GPC5: variants seen among roughly 807,000 people sequenced by gnomAD.
GPC5 encodes the protein glypican-5.
GPC5 carries 47 observed loss-of-function variants against 53.9 expected under a neutral mutation model. The ratio of observed to expected loss-of-function variants is 0.87; its 90% CI spans 0.69 to 1.11. The LOEUF (loss-of-function observed/expected upper bound fraction) is 1.11, where lower values mean the gene tolerates loss of function less well. GPC5 is among the 50% of genes most tolerant of loss of function. GPC5 has a pLI of 0.00. For missense variants in GPC5, 748 were observed against 713.1 expected, an observed-to-expected ratio of 1.05 and a Z score of -0.56; for synonymous variants, 286 against 263.3, an observed-to-expected ratio of 1.09 and a Z score of -0.84.
chr13:92,347,125 TAAAG>T (rs949336895), intron 7 of GPC5, among the ~76,000 whole-genome samples: 5 of 151,962 alleles, frequency 3.3e-5, no homozygotes, highest in African/African-American at 1.2e-4. Context: ...AGAGCATATT[TAAAG>T]AAATAAGGGC....
At chr13:91,730,348 G>A (rs779914624) in intron 4 of GPC5, among the ~76,000 whole-genome samples, 3 of 152,252 alleles carry the variant, frequency 2.0e-5, no homozygotes, top group African/African-American at 4.8e-5. Context: ...AATGTAGCAC[G>A]AGTGGATGCT....
intron 7 of GPC5, among the ~76,000 whole-genome samples, chr13:92,184,520 G>T (rs1158355905): frequency 1.3e-5 from 2 of 152,006 alleles, no homozygotes. Context: ...TGTCAAAATT[G>T]TCTCCTTAAA....
At chr13:91,468,344 C>T (rs1363586631) in intron 2 of GPC5, among the ~76,000 whole-genome samples, 1 of 152,122 alleles carries the variant, frequency 6.6e-6, no homozygotes, top group East Asian at 1.9e-4. Context: ...ATATGCTGGA[C>T]TCTTCACCTC....
At chr13:92,421,244 T>C (rs1388255382) in intron 7 of GPC5, among the ~76,000 whole-genome samples, 1 of 152,138 alleles carries the variant, frequency 6.6e-6, no homozygotes, top group Non-Finnish European at 1.5e-5. Context: ...CAATTCAAAA[T>C]GTACCTCTTG....
At chr13:92,774,085 T>C (rs1464904530) in intron 7 of GPC5, among the ~76,000 whole-genome samples, 1 of 152,196 alleles carries the variant, frequency 6.6e-6, no homozygotes, top group Non-Finnish European at 1.5e-5. Context: ...CATGTGGGGA[T>C]TATTATAATT....
At position 92,589,327 on chromosome 13, in the gene GPC5, G is replaced by A. The variant is rs149539596; in HGVS notation, c.1562-276955G>A. The stretch of plus-strand genomic sequence containing the variant: ...CCTTGAGAGTCATGAGTTCAGTGCA[G>A]CAAGGAAGCATCATGCATTTACTCA... On this transcript the variant is annotated intron_variant, in intron 7 of 7. Transcript: ENST00000377067. Among the ~76,000 whole-genome samples, 284 of 152,232 alleles carry A rather than the reference G, an allele frequency of 1.9e-3. 1 individual carries two copies. Among genetic ancestry groups the A allele is most frequent in the Middle Eastern group, 3.4e-3 (1 of 294 alleles).
intron 1 of GPC5, among the ~76,000 whole-genome samples, chr13:91,435,458 C>T (rs934542048): frequency 1.2e-4 from 19 of 152,036 alleles, no homozygotes; most frequent in Non-Finnish European, 2.5e-4. Flanking sequence ...TGGTTTTTGT[C>T]GTTGGTTTTG....
intron 7 of GPC5, among the ~76,000 whole-genome samples, chr13:92,661,125 C>G (rs967171002): frequency 2.0e-5 from 3 of 151,836 alleles, no homozygotes; most frequent in Non-Finnish European, 2.9e-5. Flanking sequence ...CAAAGTGAAA[C>G]CCCATCTTTA....
intron 7 of GPC5, among the ~76,000 whole-genome samples, chr13:92,320,793 G>A (rs908580634): frequency 3.9e-5 from 6 of 152,020 alleles, no homozygotes; most frequent in Non-Finnish European, 5.9e-5. Context: ...GAACTTACAC[G>A]AAGTTGTTTT....
chr13:92,652,121 T>C (rs1316835278), intron 7 of GPC5, among the ~76,000 whole-genome samples: 1 of 151,988 alleles, frequency 6.6e-6, no homozygotes, highest in Non-Finnish European at 1.5e-5. Context: ...GGGCATAGGG[T>C]TTTTTTCTAT....
chr13:91,578,249 G>A lies in GPC5; in HGVS notation c.326-114938G>A, dbSNP rs74665177. On this transcript the variant is annotated intron_variant, in intron 2 of 7. Coordinates refer to ENST00000377067, the MANE Select transcript of GPC5 (RefSeq NM_004466.6). ...ATAGCTCTCCTGGCTTGTCTTAAATGCAACCTCATGAGAGACCCTAGTCTA... is the reference window on the plus strand; with the variant it reads ...ATAGCTCTCCTGGCTTGTCTTAAATACAACCTCATGAGAGACCCTAGTCTA... 1.9e-3 allele frequency among the ~76,000 whole-genome samples: 282 copies of A among 152,268 alleles called. 1 individual carries two copies. Among genetic ancestry groups the A allele is most frequent in the Non-Finnish European group, 3.3e-3 (226 of 68,018 alleles).
intron 2 of GPC5, among the ~76,000 whole-genome samples, chr13:91,617,617 G>A (rs1214223557): frequency 1.3e-5 from 2 of 151,958 alleles, no homozygotes; most frequent in African/African-American, 4.8e-5. Flanking sequence ...ATATGACAAA[G>A]CAATCCCTCC....
At chr13:92,514,461 A>T (rs1026533682) in intron 7 of GPC5, among the ~76,000 whole-genome samples, 2 of 152,118 alleles carry the variant, frequency 1.3e-5, no homozygotes, top group African/African-American at 2.4e-5. Context: ...CACAGAAAGA[A>T]CTACTACTTT....
intron 7 of GPC5, among the ~76,000 whole-genome samples, chr13:92,591,960 C>T (rs996253229): frequency 1.3e-5 from 2 of 152,188 alleles, no homozygotes; most frequent in Non-Finnish European, 2.9e-5. Flanking sequence ...CCACCCTTAA[C>T]TCCAGCTGAG....
At chr13:92,104,310 A>G (rs1173734810) in intron 6 of GPC5, among the ~76,000 whole-genome samples, 2 of 152,160 alleles carry the variant, frequency 1.3e-5, no homozygotes, top group Non-Finnish European at 2.9e-5. Context: ...AAATCTTACT[A>G]CAGTCAGCAT....
intron 5 of GPC5, among the ~76,000 whole-genome samples, chr13:91,792,546 T>C (rs954943482): frequency 1.3e-5 from 2 of 152,208 alleles, no homozygotes; most frequent in African/African-American, 4.8e-5. Context: ...AGTTTGGCTA[T>C]GAGTGAAATA....
chr13:91,737,699 A>C (rs1167493515), intron 4 of GPC5, among the ~76,000 whole-genome samples: 1 of 151,504 alleles, frequency 6.6e-6, no homozygotes, highest in Non-Finnish European at 1.5e-5. Flanking sequence ...AAATTATGTT[A>C]GAGATATGGC....
intron 6 of GPC5, among the ~76,000 whole-genome samples, chr13:91,988,131 C>G (rs1029414326): frequency 1.3e-5 from 2 of 150,654 alleles, no homozygotes; most frequent in Non-Finnish European, 3.0e-5. Context: ...ATTTTTAAGG[C>G]CATTATTATG....
chr13:92,275,736 A>G (rs34746796), intron 7 of GPC5, among the ~76,000 whole-genome samples: 1,847 of 152,272 alleles, frequency 0.012, 37 homozygotes, highest in Middle Eastern at 0.044. Flanking sequence ...ATTATAGGAC[A>G]GTATTTCTGG....
Sources: gnomAD v4.1 joint callset for allele counts (sites outside exome capture counted in the v4.1 genomes callset) on GRCh38, gnomAD v4.1.1 for gene constraint, MANE v1.5 for transcripts, NCBI Gene and HGNC (gene_info 2026-07-23, HGNC 2026-07-21) for gene names.